Variants in MYRIP observed in about 807,000 individuals in gnomAD.
MYRIP encodes rab effector MyRIP.
A neutral mutation model predicts 98.0 loss-of-function variants in MYRIP; 49 were observed. The ratio of observed to expected loss-of-function variants is 0.50; its 90% CI spans 0.40 to 0.63. The LOEUF (loss-of-function observed/expected upper bound fraction) is 0.63, where lower values mean the gene tolerates loss of function less well. MYRIP is among the 30% of genes least tolerant of loss of function. The pLI, the probability that MYRIP is intolerant of heterozygous loss-of-function variation, is 0.00. For missense variants in MYRIP, 1,004 were observed against 1,058.2 expected, an observed-to-expected ratio of 0.95 and a Z score of 0.71; for synonymous variants, 404 against 409.5, an observed-to-expected ratio of 0.99 and a Z score of 0.16.
rs369870479 is a variant in MYRIP at position 40,020,391 on chromosome 3, A to G, written c.111-23659A>G. Among the ~76,000 whole-genome samples, 236 of 152,364 alleles carry G rather than the reference A, an allele frequency of 1.5e-3. 2 individuals carry two copies. The highest frequency in any genetic ancestry group is 5.5e-3 in the African/African-American group (228 of 41,594). ...GTATTTATTTCTAGAAATAGAATTCATACATCATTACTTACACCTTTCGAG... is the reference window on the plus strand; with the variant it reads ...GTATTTATTTCTAGAAATAGAATTCGTACATCATTACTTACACCTTTCGAG... On this transcript the variant is annotated intron_variant, in intron 2 of 16. Coordinates refer to ENST00000302541, the MANE Select transcript of MYRIP (RefSeq NM_015460.4).
intron 2 of MYRIP, among the ~76,000 whole-genome samples, chr3:39,990,112 C>G (rs763688187): frequency 3.9e-5 from 6 of 152,178 alleles, no homozygotes; most frequent in Non-Finnish European, 8.8e-5. Flanking sequence ...TGTTGGGACC[C>G]TAGACCCCAG....
chr3:39,981,685 T>C (rs373677812), intron 2 of MYRIP, among the ~76,000 whole-genome samples: 9 of 152,328 alleles, frequency 5.9e-5, no homozygotes, highest in African/African-American at 1.7e-4. Context: ...GGCTGCTGGA[T>C]TGGAAACACT....
intron 3 of MYRIP, among the ~76,000 whole-genome samples, chr3:40,120,669 G>A (rs1053869740): frequency 2.0e-5 from 3 of 152,096 alleles, no homozygotes; most frequent in Non-Finnish European, 4.4e-5. Context: ...TGCTATCTCA[G>A]TTCCCAGATC....
chr3:40,204,689 C>T (rs1029427930), intron 10 of MYRIP, among the ~76,000 whole-genome samples: 3 of 152,122 alleles, frequency 2.0e-5, no homozygotes, highest in Non-Finnish European at 4.4e-5. Context: ...GTCCTCCAAA[C>T]CCTCCACTTT....
chr3:39,926,769 G>A (rs1944428930), intron 2 of MYRIP, among the ~76,000 whole-genome samples: 1 of 151,828 alleles, frequency 6.6e-6, no homozygotes, highest in Non-Finnish European at 1.5e-5. Context: ...TGGGTAATGT[G>A]ATGTCTTTGT....
At chr3:39,941,347 A>G (rs1944779058) in intron 2 of MYRIP, among the ~76,000 whole-genome samples, 1 of 152,020 alleles carries the variant, frequency 6.6e-6, no homozygotes, top group South Asian at 2.1e-4. Flanking sequence ...GCACTAAGCC[A>G]TTCATGAAAG....
intron 1 of MYRIP, among the ~76,000 whole-genome samples, chr3:39,872,598 T>C (rs1365672390): frequency 6.6e-6 from 1 of 151,668 alleles, no homozygotes; most frequent in African/African-American, 2.4e-5. Flanking sequence ...TTTGGTTTTT[T>C]GTCCTTGCGA....
intron 10 of MYRIP, among the ~76,000 whole-genome samples, chr3:40,201,792 C>T (rs765226591): frequency 6.6e-5 from 10 of 152,112 alleles, no homozygotes; most frequent in South Asian, 2.1e-4. Flanking sequence ...TGTTATCACA[C>T]CAATTATGAG....
At chr3:40,096,913 T>C (rs1948844267) in intron 3 of MYRIP, among the ~76,000 whole-genome samples, 1 of 152,228 alleles carries the variant, frequency 6.6e-6, no homozygotes, top group East Asian at 1.9e-4. Flanking sequence ...GGTTTACTGT[T>C]TGGGTGAAGC....
intron 2 of MYRIP, among the ~76,000 whole-genome samples, chr3:39,948,114 G>C (rs1301667143): frequency 2.0e-5 from 3 of 152,046 alleles, no homozygotes; most frequent in African/African-American, 7.2e-5. Flanking sequence ...AAATTTTCTG[G>C]GGAGAGGGGT....
chr3:40,025,080 G>A (rs1232324498), intron 2 of MYRIP, among the ~76,000 whole-genome samples: 2 of 152,178 alleles, frequency 1.3e-5, no homozygotes, highest in African/African-American at 4.8e-5. Context: ...CAGAGCTGGA[G>A]CCCTCAGTCT....
At chr3:40,202,723 G>T (rs945628063) in intron 10 of MYRIP, among the ~76,000 whole-genome samples, 3 of 151,980 alleles carry the variant, frequency 2.0e-5, no homozygotes, top group African/African-American at 7.3e-5. Context: ...GTGTGACCTT[G>T]GGCAGTGCAC....
chr3:39,880,936 CCT>C (rs1311957978), intron 1 of MYRIP, among the ~76,000 whole-genome samples: 27 of 152,120 alleles, frequency 1.8e-4, no homozygotes, highest in African/African-American at 5.5e-4. Flanking sequence ...TCTTCTCAAT[CCT>C]CTCTGTTGTC....
intron 1 of MYRIP, among the ~76,000 whole-genome samples, chr3:39,883,667 A>G (rs1208102278): frequency 6.6e-6 from 1 of 152,072 alleles, no homozygotes; most frequent in African/African-American, 2.4e-5. Flanking sequence ...GAAAATTTAG[A>G]GTTGAAAAAT....
chr3:39,958,434 T>C lies in MYRIP; in HGVS notation c.110+57508T>C, dbSNP rs375795316. ...AGAAAAACAAGCAATGGGGAAAGGA[T>C]TCCCTATTTAATAAATGGTGCTGGG... On this transcript the variant is annotated intron_variant, in intron 2 of 16. Coordinates refer to ENST00000302541, the MANE Select transcript of MYRIP (RefSeq NM_015460.4). 1.3e-3 allele frequency among the ~76,000 whole-genome samples: 200 copies of C among 152,272 alleles called. 3 individuals carry two copies. The South Asian group carries it at 0.039, about 30-fold the overall frequency.
chr3:40,222,576 C>CTACCCCTCTCTG (rs1359134922), intron 11 of MYRIP, among the ~76,000 whole-genome samples: 3 of 151,732 alleles, frequency 2.0e-5, no homozygotes, highest in African/African-American at 7.3e-5. Flanking sequence ...CCCCCACCCC[C>CTACCCCTCTCTG]TCCCCATCTG....
intron 3 of MYRIP, among the ~76,000 whole-genome samples, chr3:40,057,528 C>A (rs1947908707): frequency 6.6e-6 from 1 of 152,188 alleles, no homozygotes; most frequent in Non-Finnish European, 1.5e-5. Context: ...AGAACAGGCA[C>A]CATATGCCTT....
At chr3:39,983,366 A>G (rs1945942059) in intron 2 of MYRIP, among the ~76,000 whole-genome samples, 2 of 152,204 alleles carry the variant, frequency 1.3e-5, no homozygotes, top group Admixed American at 6.5e-5. Context: ...ATACATTCAT[A>G]TTATTTGCTG....
At chr3:40,170,733 A>T (rs1950593829) in intron 8 of MYRIP, among the ~76,000 whole-genome samples, 1 of 152,186 alleles carries the variant, frequency 6.6e-6, no homozygotes, top group Admixed American at 6.5e-5. Context: ...CAGGTTCTGC[A>T]AGAAACTGAG....
Sources: gnomAD v4.1 joint callset for allele counts (sites outside exome capture counted in the v4.1 genomes callset) on GRCh38, gnomAD v4.1.1 for gene constraint, MANE v1.5 for transcripts, NCBI Gene and HGNC (gene_info 2026-07-23, HGNC 2026-07-21) for gene names.